Variants in DIAPH3 observed in about 807,000 individuals in gnomAD.
The protein encoded by DIAPH3 is diaphanous related formin 3.
In DIAPH3, 117 loss-of-function variants were observed where a neutral mutation model predicts 144.3. The ratio of observed to expected loss-of-function variants is 0.81; its 90% CI spans 0.70 to 0.95. The LOEUF is 0.95. DIAPH3 is among the 40% of genes least tolerant of loss of function. The probability of loss-of-function intolerance (pLI) is 0.00; values close to 1 mark genes in which losing one functional copy is unlikely to be tolerated. For synonymous variants in DIAPH3, 519 were observed against 488.9 expected, an observed-to-expected ratio of 1.06 and a Z score of -0.81; for missense variants, 1,421 against 1,412.7, an observed-to-expected ratio of 1.01 and a Z score of -0.09.
Position 60,138,768 on chromosome 13 carries a change from AAGG to A in DIAPH3, c.181-5782_181-5780del, listed in dbSNP as rs755542671. ...ACTAACAGGAAGGAAGGAGAAGGAG[AAGG>A]AGAAGGAGAAGAAGGGGAAGAGGGA... On this transcript the variant is annotated intron_variant, in intron 1 of 27. Transcript: ENST00000400324. Among the ~76,000 whole-genome samples, 573 of 130,314 alleles carry A rather than the reference AAGG, an allele frequency of 4.4e-3. 1 individual carries two copies. The highest frequency in any genetic ancestry group is 6.9e-3 in the Non-Finnish European group (414 of 60,190). The allele number at this position is 130,314 out of a possible 152,430, so 85.5% of individuals were successfully genotyped here.
intron 17 of DIAPH3, among the ~76,000 whole-genome samples, chr13:59,957,014 T>C (rs561224704): frequency 6.6e-6 from 1 of 152,300 alleles, no homozygotes; most frequent in South Asian, 2.1e-4. Context: ...GTACCCCCAT[T>C]GTATCTAGGA....
intron 20 of DIAPH3, among the ~76,000 whole-genome samples, chr13:59,899,905 A>C (rs2046337960): frequency 6.6e-6 from 1 of 152,216 alleles, no homozygotes; most frequent in Admixed American, 6.5e-5. Flanking sequence ...TAGCAGCTCA[A>C]GGAAATAGCA....
intron 22 of DIAPH3, among the ~76,000 whole-genome samples, chr13:59,855,741 A>T (rs2043219023): frequency 6.6e-6 from 1 of 152,030 alleles, no homozygotes. Flanking sequence ...AAATGAAAAA[A>T]AAAAAGTAAC....
intron 17 of DIAPH3, among the ~76,000 whole-genome samples, chr13:59,945,848 T>C (rs1232213064): frequency 6.6e-6 from 1 of 152,116 alleles, no homozygotes; most frequent in Non-Finnish European, 1.5e-5. Flanking sequence ...GTATTTTCCA[T>C]AACAATTATA....
chr13:59,673,305 C>T (rs1282344612), intron 27 of DIAPH3, among the ~76,000 whole-genome samples: 2 of 152,220 alleles, frequency 1.3e-5, no homozygotes. Context: ...CCATACCTCT[C>T]TATTGAAATT....
chr13:60,090,313 T>C (rs553341798), intron 4 of DIAPH3, among the ~76,000 whole-genome samples: 136 of 152,288 alleles, frequency 8.9e-4, no homozygotes, highest in Middle Eastern at 3.4e-3. Flanking sequence ...GTTTTATTCT[T>C]GTGCCACCTA....
chr13:59,762,258 C>T lies in DIAPH3; in HGVS notation c.3319+11931G>A, dbSNP rs994473328. Among the ~76,000 whole-genome samples, 3 of 151,912 alleles carry T rather than the reference C, an allele frequency of 2.0e-5. No homozygotes were observed. The East Asian group carries it at 5.8e-4, about 30-fold the overall frequency. On this transcript the variant is annotated intron_variant, in intron 27 of 27. Coordinates refer to ENST00000400324, the MANE Select transcript of DIAPH3 (RefSeq NM_001042517.2). ...TTGTATTTTAGTAGAGACGGGGTTT[C>T]ACCATGTTGGCCAGGATGGTCTCGA...
At position 60,100,778 on chromosome 13, in the gene DIAPH3, A is replaced by T. The variant is rs1003452745; in HGVS notation, c.391-7046T>A. 4.1e-5 allele frequency among the ~76,000 whole-genome samples: 6 copies of T among 146,160 alleles called. 1 individual carries two copies. Among genetic ancestry groups the T allele is most frequent in the East Asian group, 3.9e-4 (2 of 5,076 alleles). ...AAAAGAAAAACAGAACATCATTATT[A>T]AAAAAAAAAAGAAGTTTTTTTATAT... On this transcript the variant is annotated intron_variant, in intron 3 of 27. Coordinates refer to ENST00000400324, the MANE Select transcript of DIAPH3 (RefSeq NM_001042517.2).
chr13:60,072,657 C>G (rs767727771), intron 4 of DIAPH3, among the ~76,000 whole-genome samples: 2 of 151,962 alleles, frequency 1.3e-5, no homozygotes, highest in Non-Finnish European at 2.9e-5. Flanking sequence ...CTAAAGGTCT[C>G]TAACAAATCT....
chr13:59,880,236 A>G (rs954282935), intron 20 of DIAPH3, among the ~76,000 whole-genome samples: 58 of 152,210 alleles, frequency 3.8e-4, no homozygotes, highest in Admixed American at 3.7e-3. Flanking sequence ...ATCAACACAC[A>G]TGCAGGAAAT....
At chr13:60,144,492 C>T (rs1254423868) in intron 1 of DIAPH3, among the ~76,000 whole-genome samples, 1 of 152,164 alleles carries the variant, frequency 6.6e-6, no homozygotes, top group Non-Finnish European at 1.5e-5. Flanking sequence ...TAGAGGTAGG[C>T]CCACCAGTCT....
At chr13:59,918,738 G>C (rs1425907680) in intron 18 of DIAPH3, among the ~76,000 whole-genome samples, 3 of 152,052 alleles carry the variant, frequency 2.0e-5, no homozygotes, top group African/African-American at 2.4e-5. Flanking sequence ...AAGTCACACT[G>C]AGAAGAATGG....
At chr13:60,050,724 A>ATAAG (rs1369001361) in intron 4 of DIAPH3, among the ~76,000 whole-genome samples, 1 of 152,192 alleles carries the variant, frequency 6.6e-6, no homozygotes, top group Non-Finnish European at 1.5e-5. Flanking sequence ...AGTGGGATGG[A>ATAAG]TAAGTATTGG....
intron 22 of DIAPH3, among the ~76,000 whole-genome samples, chr13:59,844,858 A>T (rs1172236585): frequency 6.6e-6 from 1 of 152,148 alleles, no homozygotes; most frequent in Non-Finnish European, 1.5e-5. Context: ...CACAGAAGGC[A>T]AAAGGACCAT....
intron 21 of DIAPH3, among the ~76,000 whole-genome samples, chr13:59,863,903 T>G (rs1426947821): frequency 1.3e-5 from 2 of 152,140 alleles, no homozygotes; most frequent in African/African-American, 4.8e-5. Context: ...TTAATAGTCT[T>G]GAGCACATTA....
intron 24 of DIAPH3, among the ~76,000 whole-genome samples, chr13:59,829,805 G>A (rs1286184481): frequency 2.6e-5 from 4 of 151,896 alleles, no homozygotes; most frequent in Non-Finnish European, 4.4e-5. Context: ...GAAACAGTAA[G>A]TACAGTGGTC....
chr13:60,151,095 A>T lies in DIAPH3; in HGVS notation c.180+12492T>A, dbSNP rs184678242. 1.8e-3 allele frequency among the ~76,000 whole-genome samples: 268 copies of T among 152,238 alleles called. 1 individual carries two copies. Among genetic ancestry groups the T allele is most frequent in the East Asian group, 1.2e-3 (6 of 5,188 alleles). ...AATACCAGTGTCCCCCAGGAAAAAA[A>T]AAAAAAAAAGCTATGAGGATAAAGG... On this transcript the variant is annotated intron_variant, in intron 1 of 27. Transcript: ENST00000400324.
chr13:60,114,884 G>C (rs1251217473), intron 2 of DIAPH3, among the ~76,000 whole-genome samples: 1 of 152,064 alleles, frequency 6.6e-6, no homozygotes, highest in Non-Finnish European at 1.5e-5. Flanking sequence ...AGAAAGGTAG[G>C]GTTGACTCTT....
At chr13:59,809,740 T>C (rs968765614) in intron 25 of DIAPH3, among the ~76,000 whole-genome samples, 8 of 152,152 alleles carry the variant, frequency 5.3e-5, no homozygotes, top group African/African-American at 1.9e-4. Flanking sequence ...TGCAATACAT[T>C]AAGGTACTCG....
Sources: allele counts gnomAD v4.1 joint callset (sites outside exome capture counted in the v4.1 genomes callset), GRCh38; gene constraint gnomAD v4.1.1; transcripts MANE v1.5; gene names NCBI Gene and HGNC (gene_info 2026-07-23, HGNC 2026-07-21).